The following CORO1C variants were observed in gnomAD, a reference collection of about 807,000 sequenced individuals.
The protein encoded by CORO1C is coronin 1C.
In CORO1C, 14 loss-of-function variants were observed where a neutral mutation model predicts 51.2. The observed-to-expected ratio is 0.27, with a 90% CI of 0.18 to 0.43. The LOEUF (loss-of-function observed/expected upper bound fraction) is 0.43, where lower values mean the gene tolerates loss of function less well. CORO1C is among the 20% of genes least tolerant of loss of function. The pLI, the probability that CORO1C is intolerant of heterozygous loss-of-function variation, is 1.00. For missense variants in CORO1C, 417 were observed against 607.8 expected, an observed-to-expected ratio of 0.69 and a Z score of 3.30; for synonymous variants, 181 against 210.5, an observed-to-expected ratio of 0.86 and a Z score of 1.21.
In CORO1C at chr12:108,669,673, T is replaced by TAA. The variant is rs34827230; in HGVS notation, c.319-7517_319-7516dup. Among the ~76,000 whole-genome samples the TAA allele has an allele frequency of 1.3e-3, 101 of 80,230 alleles. 1 individual carries two copies. The highest frequency in any genetic ancestry group is 1.4e-3 in the Non-Finnish European group (59 of 42,546). 52.6% of individuals were successfully genotyped at this position (80,230 alleles called of 152,430 possible). ...GAGAAACTACACAGAGCTTTTCCGT[T>TAA]AAAAAAAAAAAAAAAAAGGCGGGGG... On this transcript the variant is annotated intron_variant, in intron 3 of 10. Transcript: ENST00000261401.
chr12:108,717,410 G>A (rs1186962627), intron 1 of CORO1C, among the ~76,000 whole-genome samples: 1 of 152,170 alleles, frequency 6.6e-6, no homozygotes, highest in Non-Finnish European at 1.5e-5. Context: ...GTATGAGTAT[G>A]TGACATAATT....
chr12:108,718,651 G>GT (rs1337237323), intron 1 of CORO1C, among the ~76,000 whole-genome samples: 3 of 152,210 alleles, frequency 2.0e-5, no homozygotes, highest in African/African-American at 7.2e-5. Context: ...AAATAGGAAA[G>GT]TATAGCGCTT....
chr12:108,724,310 C>T (rs2035538919), intron 1 of CORO1C, among the ~76,000 whole-genome samples: 1 of 152,164 alleles, frequency 6.6e-6, no homozygotes, highest in Admixed American at 6.5e-5. Context: ...AAGGGAAAGC[C>T]ATGTCAGGTT....
chr12:108,695,901 A>G (rs1006687279), intron 2 of CORO1C, among the ~76,000 whole-genome samples: 4 of 151,174 alleles, frequency 2.6e-5, no homozygotes, highest in Non-Finnish European at 5.9e-5. Flanking sequence ...TTTTCTGTAG[A>G]GCTAAATTCT....
At chr12:108,698,905 C>G (rs772663301) in intron 2 of CORO1C, among the ~76,000 whole-genome samples, 1 of 152,204 alleles carries the variant, frequency 6.6e-6, no homozygotes, top group Non-Finnish European at 1.5e-5. Flanking sequence ...CACTTTAATA[C>G]ACAAAAATCT....
intron 6 of CORO1C, among the ~76,000 whole-genome samples, chr12:108,656,992 G>A (rs1309106478): frequency 2.0e-5 from 3 of 151,708 alleles, no homozygotes; most frequent in Non-Finnish European, 4.4e-5. Flanking sequence ...CTCCACTATT[G>A]TCCTATGACC....
At chr12:108,656,233 C>T (rs1592851209) in intron 6 of CORO1C, among the ~76,000 whole-genome samples, 2 of 151,364 alleles carry the variant, frequency 1.3e-5, no homozygotes, top group Non-Finnish European at 3.0e-5. Context: ...GCAGCCACCC[C>T]GTCTGGGAAG....
rs1204818672 is a variant in CORO1C at position 108,645,325 on chromosome 12, G to T, written c.*2078C>A. ...GGCTGGGCATCCATTCATTAAATAA[G>T]TCATAAGCTACAAACTAAGATCAGG... On this transcript the variant is annotated 3_prime_UTR_variant, in exon 11 of 11. Transcript: ENST00000261401. 1 of 151,488 alleles carries T rather than the reference G, an allele frequency of 6.6e-6. No homozygotes were observed. The highest frequency in any genetic ancestry group is 1.9e-4 in the East Asian group (1 of 5,156). 9.4% of individuals were successfully genotyped at this position (151,488 alleles called of 1,614,324 possible).
At chr12:108,689,479 C>T (rs2034422019) in intron 2 of CORO1C, among the ~76,000 whole-genome samples, 1 of 152,210 alleles carries the variant, frequency 6.6e-6, no homozygotes, top group South Asian at 2.1e-4. Context: ...TATAAACCCA[C>T]ACCTTCCTAG....
At chr12:108,685,149 T>C (rs1245497549) in intron 2 of CORO1C, among the ~76,000 whole-genome samples, 3 of 152,248 alleles carry the variant, frequency 2.0e-5, no homozygotes, top group Non-Finnish European at 4.4e-5. Flanking sequence ...TCTTACTAAA[T>C]GACTTCTTTT....
intron 1 of CORO1C, among the ~76,000 whole-genome samples, chr12:108,726,773 G>A (rs948884059): frequency 6.6e-6 from 1 of 152,130 alleles, no homozygotes; most frequent in African/African-American, 2.4e-5. Context: ...ATCAGGGTCG[G>A]CCTGTATGCA....
At chr12:108,693,063 G>A (rs2034553212) in intron 2 of CORO1C, among the ~76,000 whole-genome samples, 1 of 151,924 alleles carries the variant, frequency 6.6e-6, no homozygotes, top group Non-Finnish European at 1.5e-5. Context: ...CTCCCAAAGC[G>A]CTGGAATTAC....
intron 1 of CORO1C, among the ~76,000 whole-genome samples, chr12:108,725,698 C>G (rs952022780): frequency 6.6e-6 from 1 of 152,220 alleles, no homozygotes; most frequent in South Asian, 2.1e-4. Flanking sequence ...TCTTTCTCTT[C>G]TGTACTACCT....
chr12:108,647,949 C>A (rs1400795777), intron 10 of CORO1C, among the ~76,000 whole-genome samples: 1 of 97,852 alleles, frequency 1.0e-5, no homozygotes, highest in African/African-American at 3.5e-5. Flanking sequence ...CTCCTGCCAT[C>A]TGTGAGGCTC....
At chr12:108,662,222 G>T in intron 3 of CORO1C, 64 bp from the exon 4 acceptor site, 2 of 1,404,868 alleles carry the variant, frequency 1.4e-6, no homozygotes, top group Non-Finnish European at 2.0e-6. Context: ...CACATTTACA[G>T]TGACCATCCA....
chr12:108,652,383 T>A lies in CORO1C; in HGVS notation c.890A>T (p.Asp297Val). The A allele has an allele frequency of 1.2e-6, 2 of 1,613,742 alleles. No homozygotes were observed. The highest frequency in any genetic ancestry group is 4.5e-5 in the East Asian group (2 of 44,868). The stretch of plus-strand genomic sequence containing the variant: ...GAGGTAGTGGACGTACGGGGATTCA[T>A]CCGTGATCTCAAAATAGCGAATACT... ...DSSIRYFEIT[D>V]ESPYVHYLNT... Residue 297 changes from aspartate to valine, a missense_variant, in exon 8 of 11, where the codon GAT (aspartate) becomes GTT (valine). Coordinates refer to ENST00000261401, the MANE Select transcript of CORO1C (RefSeq NM_014325.4).
intron 1 of CORO1C, among the ~76,000 whole-genome samples, chr12:108,715,503 C>T (rs887331958): frequency 2.6e-5 from 4 of 152,118 alleles, no homozygotes; most frequent in African/African-American, 7.2e-5. Flanking sequence ...CCACATCTCC[C>T]AATTTTCTGC....
At chr12:108,653,822 C>T (rs1168838820) in intron 7 of CORO1C, among the ~76,000 whole-genome samples, 3 of 152,132 alleles carry the variant, frequency 2.0e-5, no homozygotes, top group Middle Eastern at 3.2e-3. Context: ...AAGTTTGCAT[C>T]CACAAAGCAC....
At chr12:108,655,322 ATT>A (rs1555214869) in intron 6 of CORO1C, among the ~76,000 whole-genome samples, 1 of 152,102 alleles carries the variant, frequency 6.6e-6, no homozygotes, top group Non-Finnish European at 1.5e-5. Flanking sequence ...TAGATTCTTC[ATT>A]CTTTTTAAAA....
Sources: gnomAD v4.1 joint callset for allele counts (sites outside exome capture counted in the v4.1 genomes callset) on GRCh38, gnomAD v4.1.1 for gene constraint, MANE v1.5 for transcripts, NCBI Gene and HGNC (gene_info 2026-07-23, HGNC 2026-07-21) for gene names.